Variants in TMEM132D observed in about 807,000 individuals in gnomAD.
TMEM132D encodes mature OL transmembrane protein.
A neutral mutation model predicts 62.3 loss-of-function variants in TMEM132D; 21 were observed. The ratio of observed to expected loss-of-function variants is 0.34; its 90% CI spans 0.24 to 0.49. TMEM132D has a LOEUF of 0.49. Among genes scored for constraint, TMEM132D ranks in the 20% least tolerant of loss-of-function variants. The pLI is 0.99. For synonymous variants in TMEM132D, 621 were observed against 575.6 expected (o/e 1.08, Z -1.13); for missense variants, 1,346 against 1,402.8 (o/e 0.96, Z 0.65).
chr12:129,844,633 C>T (rs1018121694), intron 1 of TMEM132D, among the ~76,000 whole-genome samples: 8 of 152,214 alleles, frequency 5.3e-5, no homozygotes, highest in South Asian at 2.1e-4. Flanking sequence ...ATGAGAAGAA[C>T]GATGCTGTGC....
At chr12:129,424,300 A>G (rs1413378655) in intron 3 of TMEM132D, among the ~76,000 whole-genome samples, 5 of 152,182 alleles carry the variant, frequency 3.3e-5, no homozygotes, top group Non-Finnish European at 7.3e-5. Context: ...CTTAGTTCAC[A>G]CCAAGAATGT....
chr12:129,187,467 G>A (rs1413391192), intron 5 of TMEM132D, among the ~76,000 whole-genome samples: 1 of 152,218 alleles, frequency 6.6e-6, no homozygotes, highest in Non-Finnish European at 1.5e-5. Context: ...GGTAGTGGAA[G>A]AGCAGGGGAG....
chr12:129,824,572 C>G (rs1040892363), intron 1 of TMEM132D, among the ~76,000 whole-genome samples: 1 of 152,100 alleles, frequency 6.6e-6, no homozygotes, highest in African/African-American at 2.4e-5. Context: ...GACTAGTTCC[C>G]TTATAAGAAG....
intron 2 of TMEM132D, among the ~76,000 whole-genome samples, chr12:129,688,642 T>C (rs540185277): frequency 1.2e-4 from 18 of 152,100 alleles, no homozygotes; most frequent in South Asian, 6.3e-4. Flanking sequence ...GGTGGAATTA[T>C]GGGGACAATG....
intron 1 of TMEM132D, among the ~76,000 whole-genome samples, chr12:129,724,391 C>T (rs1450111594): frequency 6.6e-6 from 1 of 152,222 alleles, no homozygotes; most frequent in African/African-American, 2.4e-5. Flanking sequence ...GAAACAGATT[C>T]TCCCCTAAAG....
chr12:129,529,473 G>T (rs1876153716), intron 3 of TMEM132D, among the ~76,000 whole-genome samples: 1 of 152,198 alleles, frequency 6.6e-6, no homozygotes, highest in South Asian at 2.1e-4. Context: ...TGTCCAAGAT[G>T]AACTGAACTA....
intron 3 of TMEM132D, among the ~76,000 whole-genome samples, chr12:129,461,432 G>A (rs1385873441): frequency 6.6e-6 from 1 of 151,986 alleles, no homozygotes; most frequent in Admixed American, 6.6e-5. Context: ...GGAGAGGAAG[G>A]GTTTAGTTTG....
At chr12:129,594,429 C>A (rs1442256393) in intron 2 of TMEM132D, among the ~76,000 whole-genome samples, 2 of 152,060 alleles carry the variant, frequency 1.3e-5, no homozygotes, top group Non-Finnish European at 2.9e-5. Context: ...CAAGAGAGAT[C>A]CTCAGTCATG....
chr12:129,574,828 T>A (rs1235185957), intron 2 of TMEM132D, among the ~76,000 whole-genome samples: 2 of 151,534 alleles, frequency 1.3e-5, no homozygotes, highest in Non-Finnish European at 2.9e-5. Flanking sequence ...GGTGATGCAA[T>A]ACAAAATAAA....
chr12:129,296,943 C>T (rs1018870778), intron 4 of TMEM132D, among the ~76,000 whole-genome samples: 18 of 152,208 alleles, frequency 1.2e-4, no homozygotes, highest in Non-Finnish European at 1.8e-4. Flanking sequence ...CAGAACTCTC[C>T]ATTTGGGGAG....
chr12:129,595,137 A>G lies in TMEM132D; in HGVS notation c.969-63932T>C, dbSNP rs115385494. On this transcript the variant is annotated intron_variant, in intron 2 of 8. Transcript: ENST00000422113. ...TTCTAGGTGAAATCAGATAATATGC[A>G]AAAATTAATGTGAACAGGAAGTGAC... Among the ~76,000 whole-genome samples, 781 of 152,334 alleles carry G rather than the reference A, an allele frequency of 5.1e-3. 6 individuals carry two copies. Among genetic ancestry groups the G allele is most frequent in the African/African-American group, 0.018 (745 of 41,584 alleles).
chr12:129,136,753 CCACCATCAT>C (rs879492972), intron 5 of TMEM132D, among the ~76,000 whole-genome samples: 5 of 125,242 alleles, frequency 4.0e-5, no homozygotes, highest in South Asian at 5.1e-4. Context: ...ATCACCACCT[CCACCATCAT>C]CACCATCATC....
chr12:129,734,946 A>G (rs1298902818), intron 1 of TMEM132D, among the ~76,000 whole-genome samples: 1 of 152,224 alleles, frequency 6.6e-6, no homozygotes, highest in Non-Finnish European at 1.5e-5. Context: ...ATAATCATAG[A>G]AACAAAAAGG....
At chr12:129,669,530 C>T (rs1174821181) in intron 2 of TMEM132D, among the ~76,000 whole-genome samples, 1 of 152,008 alleles carries the variant, frequency 6.6e-6, no homozygotes, top group Non-Finnish European at 1.5e-5. Flanking sequence ...CATAGTGAAA[C>T]CCCATCTCTA....
At chr12:129,833,112 T>G (rs906817565) in intron 1 of TMEM132D, among the ~76,000 whole-genome samples, 1 of 152,222 alleles carries the variant, frequency 6.6e-6, no homozygotes, top group Admixed American at 6.5e-5. Flanking sequence ...TGGTTTAGTG[T>G]GTGCTCCACA....
At chr12:129,440,495 T>C (rs1388468219) in intron 3 of TMEM132D, among the ~76,000 whole-genome samples, 1 of 152,158 alleles carries the variant, frequency 6.6e-6, no homozygotes, top group African/African-American at 2.4e-5. Flanking sequence ...AAATAAGATC[T>C]TAAACAACAG....
intron 1 of TMEM132D, among the ~76,000 whole-genome samples, chr12:129,865,276 G>C (rs1874022408): frequency 6.6e-6 from 1 of 152,224 alleles, no homozygotes; most frequent in African/African-American, 2.4e-5. Context: ...TGCAGAGAAG[G>C]AAATGAACTT....
intron 2 of TMEM132D, among the ~76,000 whole-genome samples, chr12:129,633,892 A>G (rs1413895007): frequency 6.6e-6 from 1 of 152,186 alleles, no homozygotes; most frequent in African/African-American, 2.4e-5. Flanking sequence ...CAATGCAGTT[A>G]AGCCAGTAAC....
chr12:129,644,225 A>G (rs1879710490), intron 2 of TMEM132D, among the ~76,000 whole-genome samples: 1 of 152,160 alleles, frequency 6.6e-6, no homozygotes, highest in Non-Finnish European at 1.5e-5. Flanking sequence ...TGTCATCAGG[A>G]ATTCCTGAGG....
Sources: allele counts gnomAD v4.1 joint callset (sites outside exome capture counted in the v4.1 genomes callset), GRCh38; gene constraint gnomAD v4.1.1; transcripts MANE v1.5; gene names NCBI Gene and HGNC (gene_info 2026-07-23, HGNC 2026-07-21).